The following CTNNA3 variants were observed in gnomAD, a reference collection of about 807,000 sequenced individuals.
CTNNA3 encodes catenin alpha 3, also known as catenin alpha-3.
CTNNA3 carries 76 observed loss-of-function variants against 95.7 expected under a neutral mutation model. The observed-to-expected ratio is 0.79, with a 90% confidence interval of 0.66 to 0.96. The LOEUF is 0.96. Among genes scored for constraint, CTNNA3 ranks in the 40% least tolerant of loss-of-function variants. The pLI is 0.00. For missense variants in CTNNA3, 1,191 were observed against 1,089.8 expected (o/e 1.09, Z -1.31); for synonymous variants, 431 against 374.4 (o/e 1.15, Z -1.74).
intron 5 of CTNNA3, among the ~76,000 whole-genome samples, chr10:67,434,216 T>G (rs993240671): frequency 6.6e-6 from 1 of 152,050 alleles, no homozygotes; most frequent in Non-Finnish European, 1.5e-5. Flanking sequence ...GTGTTTCTGT[T>G]AACTTGCAAG....
chr10:65,957,442 C>T (rs917580848), intron 17 of CTNNA3, among the ~76,000 whole-genome samples: 1 of 152,110 alleles, frequency 6.6e-6, no homozygotes, highest in Non-Finnish European at 1.5e-5. Context: ...ATGATGTTAG[C>T]TGGTTATTTT....
chr10:66,302,186 A>T (rs2091871991), intron 12 of CTNNA3, among the ~76,000 whole-genome samples: 1 of 152,094 alleles, frequency 6.6e-6, no homozygotes, highest in Non-Finnish European at 1.5e-5. Context: ...ACATAAATGG[A>T]GAGTGAGTTC....
chr10:66,591,378 A>C (rs1290653238), intron 10 of CTNNA3, among the ~76,000 whole-genome samples: 1 of 152,176 alleles, frequency 6.6e-6, no homozygotes, highest in African/African-American at 2.4e-5. Flanking sequence ...TCATAATTAA[A>C]TATGGTCTAT....
At chr10:66,511,909 T>C (rs1446813583) in intron 11 of CTNNA3, among the ~76,000 whole-genome samples, 1 of 151,990 alleles carries the variant, frequency 6.6e-6, no homozygotes, top group African/African-American at 2.4e-5. Flanking sequence ...GTACAATGTT[T>C]CTTTGTTGAC....
intron 1 of CTNNA3, among the ~76,000 whole-genome samples, chr10:67,683,753 T>G (rs1344487376): frequency 6.6e-6 from 1 of 151,668 alleles, no homozygotes; most frequent in African/African-American, 2.4e-5. Flanking sequence ...GTCCAGAGTT[T>G]GTTCCTTTAG....
At chr10:67,487,748 G>A (rs1168540456) in intron 5 of CTNNA3, among the ~76,000 whole-genome samples, 1 of 152,106 alleles carries the variant, frequency 6.6e-6, no homozygotes, top group Non-Finnish European at 1.5e-5. Flanking sequence ...CCTGCAGGAA[G>A]AGCAGAGCCC....
intron 15 of CTNNA3, among the ~76,000 whole-genome samples, chr10:66,045,631 C>A (rs1206899665): frequency 1.3e-5 from 2 of 152,114 alleles, no homozygotes; most frequent in African/African-American, 4.8e-5. Context: ...TTGCTTTAAC[C>A]CTGTTGCTAC....
chr10:66,350,450 A>T (rs2092558252), intron 12 of CTNNA3, among the ~76,000 whole-genome samples: 3 of 152,070 alleles, frequency 2.0e-5, no homozygotes, highest in Admixed American at 2.0e-4. Flanking sequence ...CAAAAATAGA[A>T]TGTTGAACGA....
At chr10:66,001,021 C>T (rs544351770) in intron 15 of CTNNA3, among the ~76,000 whole-genome samples, 3 of 152,160 alleles carry the variant, frequency 2.0e-5, no homozygotes, top group Admixed American at 2.0e-4. Flanking sequence ...GATTGAAGAC[C>T]AGGGTTAAAT....
intron 13 of CTNNA3, among the ~76,000 whole-genome samples, chr10:66,275,981 T>C (rs760404729): frequency 1.3e-5 from 2 of 152,184 alleles, no homozygotes; most frequent in African/African-American, 2.4e-5. Flanking sequence ...ATTGGATTGT[T>C]ATATAAGCTG....
chr10:67,030,903 T>G (rs1437469507), intron 7 of CTNNA3, among the ~76,000 whole-genome samples: 1 of 151,760 alleles, frequency 6.6e-6, no homozygotes, highest in Admixed American at 6.6e-5. Flanking sequence ...ACTCAGGTGG[T>G]TGAGGAAGGA....
chr10:66,331,012 T>C (rs1441496598), intron 12 of CTNNA3, among the ~76,000 whole-genome samples: 1 of 152,060 alleles, frequency 6.6e-6, no homozygotes. Flanking sequence ...TCCCATTCTG[T>C]AGGTTGCCTG....
intron 13 of CTNNA3, among the ~76,000 whole-genome samples, chr10:66,129,613 G>T (rs1293971385): frequency 1.3e-5 from 2 of 152,144 alleles, no homozygotes; most frequent in Admixed American, 6.5e-5. Context: ...GCAACCCTCA[G>T]TCTACTGGCC....
intron 15 of CTNNA3, among the ~76,000 whole-genome samples, chr10:66,026,004 T>C (rs2079325753): frequency 6.6e-6 from 1 of 152,142 alleles, no homozygotes; most frequent in Admixed American, 6.5e-5. Context: ...CATTGTCTAA[T>C]ATTAGTTTGT....
intron 13 of CTNNA3, among the ~76,000 whole-genome samples, chr10:66,105,771 CT>C (rs1169767297): frequency 6.6e-6 from 1 of 152,224 alleles, no homozygotes; most frequent in Non-Finnish European, 1.5e-5. Flanking sequence ...GTTCAAAACA[CT>C]TGCTGGCAGC....
chr10:65,978,209 A>G (rs1302397965), intron 16 of CTNNA3, among the ~76,000 whole-genome samples: 1 of 152,106 alleles, frequency 6.6e-6, no homozygotes, highest in Admixed American at 6.6e-5. Flanking sequence ...TCATTCTAAG[A>G]ACTGTTTTCA....
chr10:67,236,515 G>A (rs1224866131), intron 5 of CTNNA3, among the ~76,000 whole-genome samples: 2 of 145,234 alleles, frequency 1.4e-5, no homozygotes, highest in African/African-American at 2.6e-5. Context: ...CTGTTGTGGG[G>A]TGGGGGGGGT....
intron 7 of CTNNA3, chr10:67,177,048 T>A (rs1455955994): frequency 2.2e-6 from 1 of 452,126 alleles, no homozygotes; most frequent in Non-Finnish European, 4.4e-6. Context: ...ACAGCAGCAA[T>A]AGAAAACTAA....
intron 7 of CTNNA3, among the ~76,000 whole-genome samples, chr10:66,846,244 A>T (rs1381086848): frequency 6.6e-6 from 1 of 152,188 alleles, no homozygotes; most frequent in African/African-American, 2.4e-5. Context: ...ACTTATACGT[A>T]AAATCTAAAA....
Sources: allele counts gnomAD v4.1 joint callset (sites outside exome capture counted in the v4.1 genomes callset), GRCh38; gene constraint gnomAD v4.1.1; transcripts MANE v1.5; gene names NCBI Gene and HGNC (gene_info 2026-07-23, HGNC 2026-07-21).